The following PAK1 variants were observed in gnomAD, a reference collection of about 807,000 sequenced individuals.
PAK1 encodes the protein serine/threonine-protein kinase PAK 1.
In PAK1, 29 loss-of-function variants were observed where a neutral mutation model predicts 67.4. The ratio of observed to expected loss-of-function variants is 0.43; its 90% CI spans 0.32 to 0.59. PAK1 has a LOEUF of 0.59. Among genes scored for constraint, PAK1 ranks in the 20% least tolerant of loss-of-function variants. The pLI is 0.07. For missense variants in PAK1, 337 were observed against 670.7 expected (o/e 0.50, Z 5.50); for synonymous variants, 223 against 237.4 (o/e 0.94, Z 0.56).
the PAK1 span, among the ~76,000 whole-genome samples, chr11:77,528,181 A>G: frequency 1.3e-5 from 2 of 152,192 alleles, no homozygotes; most frequent in African/African-American, 2.4e-5. Flanking sequence ...TTATCATTTC[A>G]TCATCAATAT....
the PAK1 span, among the ~76,000 whole-genome samples, chr11:77,527,276 T>C: frequency 6.6e-6 from 1 of 152,028 alleles, no homozygotes; most frequent in African/African-American, 2.4e-5. Context: ...CTAATTTTTG[T>C]ATTTTTTGTA....
the PAK1 span, among the ~76,000 whole-genome samples, chr11:77,511,472 A>G: frequency 6.6e-6 from 1 of 152,058 alleles, no homozygotes; most frequent in African/African-American, 2.4e-5. Flanking sequence ...ATAGCTATCT[A>G]TGTCTCCGGA....
chr11:77,380,014 A>G lies in PAK1; in HGVS notation c.191-20T>C, dbSNP rs1949610418. The G allele has an allele frequency of 6.4e-7, 1 of 1,571,140 alleles. No individual in the cohort carries two copies. Among genetic ancestry groups the G allele is most frequent in the African/African-American group, 1.4e-5 (1 of 73,838 alleles). ...TATTTGCTGCAAGAGAAACAGGCAA[A>G]AGGAAATAAAAAACAGGAACATTAT... is the stretch of plus-strand genomic sequence containing the variant. On this transcript the variant is annotated intron_variant, in intron 2 of 14. Transcript: ENST00000356341.
chr11:77,473,315 G>C (rs1469410786), intron 1 of PAK1: 5 of 152,074 alleles, frequency 3.3e-5, no homozygotes, highest in African/African-American at 1.2e-4. Flanking sequence ...ATCGCCCGGC[G>C]TCTGAGACCC....
intron 1 of PAK1, among the ~76,000 whole-genome samples, chr11:77,395,736 T>C (rs1487770078): frequency 1.3e-5 from 2 of 152,204 alleles, no homozygotes; most frequent in Admixed American, 1.3e-4. Context: ...TGACCCACCT[T>C]TGGCAAACCA....
At chr11:77,350,345 A>C (rs1344391761) in intron 8 of PAK1, among the ~76,000 whole-genome samples, 3 of 152,170 alleles carry the variant, frequency 2.0e-5, no homozygotes, top group African/African-American at 7.2e-5. Flanking sequence ...CCCACTTGAC[A>C]CATGTGTGTA....
the PAK1 span, among the ~76,000 whole-genome samples, chr11:77,498,551 T>C: frequency 6.6e-6 from 1 of 152,154 alleles, no homozygotes; most frequent in East Asian, 1.9e-4. Flanking sequence ...TTGTCTTACA[T>C]TCATTTTTTA....
At chr11:77,384,902 T>C (rs1950264071) in intron 2 of PAK1, among the ~76,000 whole-genome samples, 1 of 152,160 alleles carries the variant, frequency 6.6e-6, no homozygotes, top group South Asian at 2.1e-4. Context: ...GTGAATTATA[T>C]CTCAATTTTT....
intron 8 of PAK1, chr11:77,353,293 C>A: frequency 7.4e-6 from 3 of 404,408 alleles, no homozygotes; most frequent in African/African-American, 2.1e-5. Context: ...GAAAAAAAAC[C>A]GTTCTCTCAC....
At chr11:77,336,053 C>G (rs1942642750) in intron 13 of PAK1, 33 bp downstream of exon 13, 1 of 1,416,520 alleles carries the variant, frequency 7.1e-7, no homozygotes, top group Non-Finnish European at 9.8e-7. Flanking sequence ...GACAACAGCC[C>G]AAATAACTTG....
chr11:77,379,412 A>G (rs1321464622), intron 3 of PAK1, 24 bp from the exon 4 acceptor site: 2 of 1,604,332 alleles, frequency 1.2e-6, no homozygotes, highest in Admixed American at 1.7e-5. Context: ...ATGCAAGACT[A>G]ACAGGAAGGC....
the PAK1 span, among the ~76,000 whole-genome samples, chr11:77,483,450 A>G: frequency 6.6e-6 from 1 of 152,336 alleles, no homozygotes; most frequent in East Asian, 1.9e-4. Flanking sequence ...TCAAAACTCT[A>G]CTTTGCTACA....
chr11:77,402,486 G>A (rs1231365693), intron 1 of PAK1, among the ~76,000 whole-genome samples: 1 of 152,164 alleles, frequency 6.6e-6, no homozygotes, highest in African/African-American at 2.4e-5. Flanking sequence ...CCCCAGTTGA[G>A]TTATTCCCAA....
At chr11:77,425,309 A>C (rs1050706778) in intron 1 of PAK1, among the ~76,000 whole-genome samples, 1 of 151,674 alleles carries the variant, frequency 6.6e-6, no homozygotes, top group Non-Finnish European at 1.5e-5. Context: ...ATCTACTAAA[A>C]TCTTTCTTCT....
At chr11:77,381,138 A>AGTGTGTGTGTGT (rs34083265) in intron 2 of PAK1, among the ~76,000 whole-genome samples, 12 of 144,470 alleles carry the variant, frequency 8.3e-5, no homozygotes, top group Admixed American at 2.8e-4. Context: ...CTCACCACAG[A>AGTGTGTGTGTGT]GTGTGTGTGT....
At chr11:77,499,529 T>C in the PAK1 span, among the ~76,000 whole-genome samples, 2 of 152,186 alleles carry the variant, frequency 1.3e-5, no homozygotes, top group East Asian at 3.8e-4. Flanking sequence ...ACTGTATAGT[T>C]CCTACTCATC....
At chr11:77,446,529 A>G (rs936475291) in intron 1 of PAK1, among the ~76,000 whole-genome samples, 3 of 151,504 alleles carry the variant, frequency 2.0e-5, no homozygotes, top group East Asian at 3.9e-4. Flanking sequence ...AAAAAAAAAA[A>G]AAAAAGAAAG....
chr11:77,351,039 CAT>C (rs1355350483), intron 8 of PAK1, among the ~76,000 whole-genome samples: 7 of 152,056 alleles, frequency 4.6e-5, no homozygotes, highest in South Asian at 2.1e-4. Context: ...CTTGAATAGA[CAT>C]ATAATTAGAC....
chr11:77,441,800 T>A (rs1027593078), intron 1 of PAK1, among the ~76,000 whole-genome samples: 5 of 152,194 alleles, frequency 3.3e-5, no homozygotes, highest in African/African-American at 1.2e-4. Context: ...AAGCATTAAG[T>A]ATTGGAGATG....
Sources: gnomAD v4.1 joint callset for allele counts (sites outside exome capture counted in the v4.1 genomes callset) on GRCh38, gnomAD v4.1.1 for gene constraint, MANE v1.5 for transcripts, NCBI Gene and HGNC (gene_info 2026-07-23, HGNC 2026-07-21) for gene names.